Variants in ELOVL2 observed in about 807,000 individuals in gnomAD.
The protein encoded by ELOVL2 is ELOVL fatty acid elongase 2.
ELOVL2 carries 38 observed loss-of-function variants against 37.7 expected under a neutral mutation model. The ratio of observed to expected loss-of-function variants is 1.01; its 90% CI spans 0.78 to 1.32. The LOEUF is 1.32. ELOVL2 is among the 40% of genes most tolerant of loss of function. ELOVL2 has a pLI of 0.00. For synonymous variants in ELOVL2, 115 were observed against 122.3 expected (o/e 0.94, Z 0.40); for missense variants, 352 against 363.6 (o/e 0.97, Z 0.26).
At chr6:11,016,041 A>C (rs1375000199) in intron 1 of ELOVL2, among the ~76,000 whole-genome samples, 2 of 152,216 alleles carry the variant, frequency 1.3e-5, no homozygotes, top group Non-Finnish European at 2.9e-5. Flanking sequence ...GAACCCCACC[A>C]TAAAATTCTG....
At chr6:10,987,494 A>G in intron 7 of ELOVL2, among the ~76,000 whole-genome samples, 1 of 152,186 alleles carries the variant, frequency 6.6e-6, no homozygotes, top group East Asian at 1.9e-4. Flanking sequence ...TTAGTACTAT[A>G]AATTTCCCTC....
intron 3 of ELOVL2, among the ~76,000 whole-genome samples, chr6:11,002,255 G>A (rs1782400858): frequency 1.3e-5 from 2 of 148,920 alleles, no homozygotes; most frequent in Non-Finnish European, 3.0e-5. Context: ...CCCATCACCA[G>A]CCTCTCACTC....
At position 10,982,338 on chromosome 6, in the gene ELOVL2, G is replaced by T. The variant is rs565014334; in HGVS notation, c.*1443C>A. 2 of 152,250 alleles carry T rather than the reference G, an allele frequency of 1.3e-5. No homozygotes were observed. Among genetic ancestry groups the T allele is most frequent in the Non-Finnish European group, 2.9e-5 (2 of 68,026 alleles). The allele number at this position is 152,250 out of a possible 1,614,324, so 9.4% of individuals were successfully genotyped here. On this transcript the variant is annotated 3_prime_UTR_variant, in exon 8 of 8. Coordinates refer to ENST00000354666, the MANE Select transcript of ELOVL2 (RefSeq NM_017770.4). ...GGCACTCTGGACGCTAATGAGTGGGGACGGTGGTGGAAATGCCTTTCTGGT... is the reference window on the plus strand; with the variant it reads ...GGCACTCTGGACGCTAATGAGTGGGTACGGTGGTGGAAATGCCTTTCTGGT...
intron 5 of ELOVL2, among the ~76,000 whole-genome samples, chr6:10,991,477 A>G (rs528897924): frequency 6.6e-6 from 1 of 152,338 alleles, no homozygotes; most frequent in Non-Finnish European, 1.5e-5. Context: ...TATAATAATA[A>G]TAACTAGCTC....
intron 1 of ELOVL2, chr6:11,043,875 C>A: frequency 4.7e-6 from 1 of 214,604 alleles, no homozygotes; most frequent in Non-Finnish European, 9.2e-6. Context: ...GGAATGGCCG[C>A]CGCGAAGGAG....
In ELOVL2 at chr6:10,995,089, C is replaced by CTGA. The variant is rs777338409; in HGVS notation, c.420_422dup (p.Ser140_Gln141insHis). The CTGA allele has an allele frequency of 5.6e-6, 9 of 1,613,380 alleles. No homozygotes were observed. The African/African-American group carries it at 1.2e-4, about 21-fold the overall frequency. On this transcript the variant is annotated inframe_insertion, in exon 5 of 8. Coordinates refer to ENST00000354666, the MANE Select transcript of ELOVL2 (RefSeq NM_017770.4). Reference sequence around the variant, plus strand: ...GATGATATACATGAAGAAAAGTAATCTGACTCGTTTTTTTCCGCAAAACGA... The same window carrying CTGA: ...GATGATATACATGAAGAAAAGTAATCTGATGACTCGTTTTTTTCCGCAAAACGA...
chr6:10,980,840 C>A lies in ELOVL2; in HGVS notation c.*2941G>T, dbSNP rs943679452. The A allele has an allele frequency of 2.0e-5, 3 of 152,508 alleles. No individual in the cohort carries two copies. The highest frequency in any genetic ancestry group is 4.4e-5 in the Non-Finnish European group (3 of 68,026). 9.4% of individuals were successfully genotyped at this position (152,508 alleles called of 1,614,324 possible). ...AAAGAGAAATGGCTTCTGCAGCCTC[C>A]CTGTCTACTCCATTCATGATACTAT... On this transcript the variant is annotated 3_prime_UTR_variant, in exon 8 of 8. Coordinates refer to ENST00000354666, the MANE Select transcript of ELOVL2 (RefSeq NM_017770.4).
Position 11,033,259 on chromosome 6 carries a change from A to G in ELOVL2, c.3+10969T>C, listed in dbSNP as rs148882297. 3.4e-3 allele frequency among the ~76,000 whole-genome samples: 518 copies of G among 152,326 alleles called. 3 individuals carry two copies. Among genetic ancestry groups the G allele is most frequent in the African/African-American group, 0.012 (499 of 41,564 alleles). On this transcript the variant is annotated intron_variant, in intron 1 of 7. Coordinates refer to ENST00000354666, the MANE Select transcript of ELOVL2 (RefSeq NM_017770.4). ...TTACTATTTCCAAACTGACCGAGAAAAAGTTAAAAAAGAAGTTATGTGCAT... is the reference window on the plus strand; with the variant it reads ...TTACTATTTCCAAACTGACCGAGAAGAAGTTAAAAAAGAAGTTATGTGCAT...
At chr6:11,001,756 C>G (rs1381602895) in intron 3 of ELOVL2, among the ~76,000 whole-genome samples, 1 of 152,186 alleles carries the variant, frequency 6.6e-6, no homozygotes, top group Non-Finnish European at 1.5e-5. Flanking sequence ...GCTAGAGAGG[C>G]TCTGTCTCTC....
intron 1 of ELOVL2, among the ~76,000 whole-genome samples, chr6:11,014,095 G>T (rs1782630528): frequency 6.6e-6 from 1 of 152,180 alleles, no homozygotes; most frequent in African/African-American, 2.4e-5. Flanking sequence ...TGGAAAGACT[G>T]GTAGCAGGGA....
intron 1 of ELOVL2, among the ~76,000 whole-genome samples, chr6:11,038,967 C>T (rs1783058337): frequency 6.6e-6 from 1 of 152,100 alleles, no homozygotes; most frequent in African/African-American, 2.4e-5. Context: ...AGGTGTGGTA[C>T]ATATCCAACT....
chr6:11,026,793 A>G (rs957893194), intron 1 of ELOVL2, among the ~76,000 whole-genome samples: 3 of 152,226 alleles, frequency 2.0e-5, no homozygotes, highest in African/African-American at 7.2e-5. Context: ...TGATTTCTTC[A>G]TATCAACCTT....
chr6:11,027,421 T>C (rs936421433), intron 1 of ELOVL2, among the ~76,000 whole-genome samples: 1 of 152,154 alleles, frequency 6.6e-6, no homozygotes, highest in Non-Finnish European at 1.5e-5. Context: ...CCGGAAATAA[T>C]TGGTTTCTAC....
intron 5 of ELOVL2, among the ~76,000 whole-genome samples, chr6:10,991,006 C>T (rs1219131215): frequency 6.6e-6 from 1 of 152,140 alleles, no homozygotes; most frequent in Non-Finnish European, 1.5e-5. Flanking sequence ...GAGAAACTGG[C>T]CAGCGAGACC....
intron 2 of ELOVL2, among the ~76,000 whole-genome samples, chr6:11,008,131 G>A (rs1782510481): frequency 6.6e-6 from 1 of 151,996 alleles, no homozygotes; most frequent in Admixed American, 6.5e-5. Context: ...TGATGTGCCA[G>A]TCAGCATCAG....
chr6:11,041,357 G>A (rs757042923), intron 1 of ELOVL2, among the ~76,000 whole-genome samples: 1 of 152,130 alleles, frequency 6.6e-6, no homozygotes, highest in Non-Finnish European at 1.5e-5. Flanking sequence ...CTCCCAAACT[G>A]ACTAAAACGT....
intron 1 of ELOVL2, among the ~76,000 whole-genome samples, chr6:11,020,722 G>A (rs1782754009): frequency 6.6e-6 from 1 of 152,202 alleles, no homozygotes; most frequent in African/African-American, 2.4e-5. Context: ...CTAAGTGCTG[G>A]TCAGATTGCC....
intron 1 of ELOVL2, among the ~76,000 whole-genome samples, chr6:11,036,227 A>G (rs1013126092): frequency 6.6e-6 from 1 of 152,230 alleles, no homozygotes; most frequent in African/African-American, 2.4e-5. Flanking sequence ...TACAAAAGGA[A>G]CATGATAGCA....
At chr6:10,996,924 C>A (rs1241542759) in intron 4 of ELOVL2, among the ~76,000 whole-genome samples, 2 of 151,540 alleles carry the variant, frequency 1.3e-5, no homozygotes, top group Non-Finnish European at 2.9e-5. Flanking sequence ...GCAGAAGAAT[C>A]GCTTGAACCC....
Sources: gnomAD v4.1 joint callset for allele counts (sites outside exome capture counted in the v4.1 genomes callset) on GRCh38, gnomAD v4.1.1 for gene constraint, MANE v1.5 for transcripts, NCBI Gene and HGNC (gene_info 2026-07-23, HGNC 2026-07-21) for gene names.